The following GAS7 variants were observed in gnomAD, a reference collection of about 807,000 sequenced individuals.
GAS7 encodes the protein growth arrest-specific protein 7.
GAS7 carries 28 observed loss-of-function variants against 71.1 expected under a neutral mutation model. That is an observed-to-expected ratio of 0.39 (90% CI 0.29 to 0.54). The LOEUF (loss-of-function observed/expected upper bound fraction) is 0.54. GAS7 is among the 20% of genes least tolerant of loss of function. The pLI is 0.62. For synonymous variants in GAS7, 258 were observed against 245.8 expected (o/e 1.05, Z -0.46); for missense variants, 436 against 627.8 (o/e 0.69, Z 3.27).
At position 9,914,228 on chromosome 17, in the gene GAS7, T is replaced by C. The variant is rs1048127539; in HGVS notation, c.*3000A>G. 2 of 206,724 alleles carry C rather than the reference T, an allele frequency of 9.7e-6. No individual in the cohort carries two copies. Among genetic ancestry groups the C allele is most frequent in the Non-Finnish European group, 2.0e-5 (2 of 101,282 alleles). The allele number at this position is 206,724 out of a possible 1,614,324, so 12.8% of individuals were successfully genotyped here. On this transcript the variant is annotated 3_prime_UTR_variant, in exon 14 of 14. Transcript: ENST00000432992. ...GCTTCACTTTCCTATTTGCAAAGAG[T>C]TATTTATAATTTTTTTGAGATGGAG...
At chr17:9,925,771 G>A (rs2067980540) in intron 10 of GAS7, among the ~76,000 whole-genome samples, 172 bp from the exon 11 acceptor site, 1 of 152,184 alleles carries the variant, frequency 6.6e-6, no homozygotes, top group African/African-American at 2.4e-5. Flanking sequence ...GCTAGGTAGA[G>A]GCTACAACCC....
intron 1 of GAS7, among the ~76,000 whole-genome samples, chr17:10,097,096 T>C (rs1017607299): frequency 3.9e-5 from 6 of 152,250 alleles, no homozygotes; most frequent in Admixed American, 1.3e-4. Flanking sequence ...CACGCCGATC[T>C]CTGGCGCTGG....
In GAS7 at chr17:9,998,002, G is replaced by A. The variant is rs74827301; in HGVS notation, c.305-16118C>T. ...ACACCCTGTTTTTCTAGGTTCTTACGGGGGCTTCAGTACATAGACACGATT... is the reference window on the plus strand; with the variant it reads ...ACACCCTGTTTTTCTAGGTTCTTACAGGGGCTTCAGTACATAGACACGATT... On this transcript the variant is annotated intron_variant, in intron 2 of 13. Transcript: ENST00000432992. Among the ~76,000 whole-genome samples the A allele has an allele frequency of 4.5e-3, 680 of 152,292 alleles. 7 individuals carry two copies. The highest frequency in any genetic ancestry group is 0.035 in the East Asian group (181 of 5,184).
chr17:10,021,943 G>C (rs183934530), intron 1 of GAS7, among the ~76,000 whole-genome samples: 3 of 152,076 alleles, frequency 2.0e-5, no homozygotes, highest in African/African-American at 7.2e-5. Flanking sequence ...GTCGGCATGG[G>C]TGGGGGGTCA....
intron 1 of GAS7, among the ~76,000 whole-genome samples, chr17:10,024,469 C>CA (rs1373010062): frequency 6.6e-6 from 1 of 152,164 alleles, no homozygotes. Context: ...GACACAGGCC[C>CA]GGGGGCTGGG....
At chr17:10,066,734 T>A (rs991132879) in intron 1 of GAS7, among the ~76,000 whole-genome samples, 16 of 152,192 alleles carry the variant, frequency 1.1e-4, no homozygotes, top group Non-Finnish European at 2.4e-4. Flanking sequence ...GATGTGACTG[T>A]CATTCTGCAG....
chr17:9,992,428 G>A (rs1186749385), intron 2 of GAS7, among the ~76,000 whole-genome samples: 3 of 152,200 alleles, frequency 2.0e-5, no homozygotes, highest in East Asian at 3.9e-4. Flanking sequence ...AAAGGAGAAG[G>A]CACAAAAGCA....
intron 1 of GAS7, among the ~76,000 whole-genome samples, chr17:10,032,094 G>A (rs575872613): frequency 6.6e-6 from 1 of 150,376 alleles, no homozygotes; most frequent in East Asian, 2.0e-4. Context: ...GAAGCCTGGA[G>A]GGGTTGGGGA....
chr17:10,046,565 G>A (rs995888939), intron 1 of GAS7, among the ~76,000 whole-genome samples: 3 of 150,914 alleles, frequency 2.0e-5, no homozygotes, highest in Admixed American at 6.6e-5. Flanking sequence ...GTGAAACCTC[G>A]TCTCTACTAA....
At chr17:10,144,670 A>T (rs943654322) in intron 1 of GAS7, among the ~76,000 whole-genome samples, 5 of 152,106 alleles carry the variant, frequency 3.3e-5, no homozygotes, top group Non-Finnish European at 7.4e-5. Context: ...CAGCCCCCTA[A>T]GTAGTTGGGA....
intron 1 of GAS7, among the ~76,000 whole-genome samples, chr17:10,083,986 T>C (rs2073486456): frequency 6.6e-6 from 1 of 152,154 alleles, no homozygotes; most frequent in Non-Finnish European, 1.5e-5. Context: ...TAAGCTGTCT[T>C]CGGCCTGGAG....
chr17:10,164,768 G>A (rs1197294543), intron 1 of GAS7, among the ~76,000 whole-genome samples: 1 of 150,616 alleles, frequency 6.6e-6, no homozygotes, highest in African/African-American at 2.4e-5. Flanking sequence ...TGAAGCAGAA[G>A]GATTGCTTGA....
rs1276812923 is a variant in GAS7 at position 9,915,810 on chromosome 17, G to A, written c.*1418C>T. 3.0e-5 allele frequency: 7 copies of A among 230,752 alleles called. No individual in the cohort carries two copies. Among genetic ancestry groups the A allele is most frequent in the Admixed American group, 1.1e-4 (2 of 17,714 alleles). 14.3% of individuals were successfully genotyped at this position (230,752 alleles called of 1,614,324 possible). A position where few individuals can be genotyped will look rare whatever the true frequency, so the allele number is the denominator to read the frequency against. On this transcript the variant is annotated 3_prime_UTR_variant, in exon 14 of 14. Transcript: ENST00000432992. ...CGACTAGAATCTGCCCCTCGCTCAT[G>A]CTTCTCCCGGCCCCTTTAGACTCTT...
At chr17:10,162,405 G>A (rs1310655951) in intron 1 of GAS7, among the ~76,000 whole-genome samples, 2 of 130,374 alleles carry the variant, frequency 1.5e-5, no homozygotes, top group Non-Finnish European at 3.2e-5. Context: ...TTTATTTAAA[G>A]AATTTAATGT....
chr17:10,088,228 A>ATAATAATAATAATAT (rs1452489834), intron 1 of GAS7, among the ~76,000 whole-genome samples: 20 of 145,872 alleles, frequency 1.4e-4, no homozygotes, highest in African/African-American at 5.1e-4. Context: ...CTCAATAATA[A>ATAATAATAATAATAT]TAATAATAAT....
At chr17:10,017,224 C>A (rs998812211) in intron 2 of GAS7, among the ~76,000 whole-genome samples, 2 of 152,040 alleles carry the variant, frequency 1.3e-5, no homozygotes, top group African/African-American at 4.8e-5. Flanking sequence ...AGCCAACAGA[C>A]AGCCTGAAGC....
intron 1 of GAS7, among the ~76,000 whole-genome samples, chr17:10,052,084 G>C (rs1426049591): frequency 6.6e-6 from 1 of 152,070 alleles, no homozygotes; most frequent in Non-Finnish European, 1.5e-5. Flanking sequence ...ACTGGTGCTA[G>C]TTCCATCTCA....
intron 1 of GAS7, among the ~76,000 whole-genome samples, chr17:10,150,196 G>T (rs1451976012): frequency 1.3e-5 from 2 of 152,178 alleles, no homozygotes; most frequent in Middle Eastern, 3.4e-3. Flanking sequence ...AATTAAAAGG[G>T]CAGCATACCA....
chr17:10,169,959 T>C (rs1279868884), intron 1 of GAS7, among the ~76,000 whole-genome samples: 1 of 152,288 alleles, frequency 6.6e-6, no homozygotes, highest in East Asian at 1.9e-4. Flanking sequence ...CATTTGCTTA[T>C]GCCAAAAACC....
Sources: allele counts gnomAD v4.1 joint callset (sites outside exome capture counted in the v4.1 genomes callset), GRCh38; gene constraint gnomAD v4.1.1; transcripts MANE v1.5; gene names NCBI Gene and HGNC (gene_info 2026-07-23, HGNC 2026-07-21).